Variants in AGRN observed in about 807,000 individuals in gnomAD.
AGRN encodes the protein agrin proteoglycan.
In AGRN, 106 loss-of-function variants were observed where a neutral mutation model predicts 211.0. The observed-to-expected ratio is 0.50, with a 90% CI of 0.43 to 0.59. The LOEUF (loss-of-function observed/expected upper bound fraction) is 0.59, where lower values mean the gene tolerates loss of function less well. Ranked by LOEUF, AGRN falls within the 20% of genes least tolerant of loss-of-function variation. The probability of loss-of-function intolerance (pLI) is 0.00; values close to 1 mark genes in which losing one functional copy is unlikely to be tolerated. For synonymous variants in AGRN, 1,525 were observed against 1,332.5 expected (o/e 1.14, Z -3.15); for missense variants, 3,040 against 2,982.6 (o/e 1.02, Z -0.45).
At chr1:1,042,189 C>A (rs747950971) in intron 7 of AGRN, 27 bp downstream of exon 7, 2 of 1,578,816 alleles carry the variant, frequency 1.3e-6, no homozygotes, top group East Asian at 2.3e-5. Flanking sequence ...GGAGGCCAGG[C>A]GGGGTGGGCT....
Position 1,041,996 on chromosome 1 carries a change from G to C in AGRN, c.1218G>C (p.Leu406=). The part of the protein sequence containing the change: ...PEPCRFNAVC[L]SRRGRPRCSC... The stretch of plus-strand genomic sequence containing the variant: ...CCTGCCGGTTCAATGCCGTGTGCCT[G>C]TCCCGCCGTGGCCGTCCCCGCTGCT... Residue 406 remains leucine (L), a synonymous_variant, in exon 7 of 36, where the codon CTG becomes CTC. Transcript: ENST00000379370. The C allele has an allele frequency of 6.2e-7, 1 of 1,611,380 alleles. No individual in the cohort carries two copies.
chr1:1,022,455 T>C lies in AGRN; in HGVS notation c.456T>C (p.Cys152=). Reference sequence around the variant, plus strand: ...GGAACCTGGAGGAGGTGGAGTTCTGTGTGGAAGGTGCGTGGTGGGGGGCTC... The same window carrying C: ...GGAACCTGGAGGAGGTGGAGTTCTGCGTGGAAGGTGCGTGGTGGGGGGCTC... ...TLRNLEEVEF[C]VEDKPGTHFT... is the part of the protein sequence containing the mutation. Residue 152 remains cysteine, a synonymous_variant, in exon 2 of 36, where the codon TGT becomes TGC. Transcript: ENST00000379370. 6.2e-7 allele frequency: 1 copy of C among 1,608,612 alleles called. No homozygotes were observed. The highest frequency in any genetic ancestry group is 1.1e-5 in the South Asian group (1 of 90,958).
Position 1,047,694 on chromosome 1 carries a change from C to T in AGRN, c.3631+7C>T, listed in dbSNP as rs1376329777. The T allele has an allele frequency of 6.2e-7, 1 of 1,612,920 alleles. No individual in the cohort carries two copies. The highest frequency in any genetic ancestry group is 8.5e-7 in the Non-Finnish European group (1 of 1,180,014). ...GATGTGCACTTTGACCCCAGTGAGA[C>T]CTGCACCCTGGACCCTTCCTGGGAG... is the stretch of plus-strand genomic sequence containing the variant. On this transcript the variant is annotated splice_region_variant and intron_variant, in intron 21 of 35. Transcript: ENST00000379370.
intron 1 of AGRN, among the ~76,000 whole-genome samples, chr1:1,021,529 C>T (rs1410214955): frequency 2.0e-5 from 3 of 152,248 alleles, no homozygotes; most frequent in Non-Finnish European, 4.4e-5. Context: ...CTGCTTCTCC[C>T]GGCTTTGTTC....
rs777369292 is a variant in AGRN at position 1,035,299 on chromosome 1, T to C, written c.486T>C (p.Thr162=). 3 of 1,612,980 alleles carry C rather than the reference T, an allele frequency of 1.9e-6. No homozygotes were observed. The Admixed American group carries it at 5.0e-5, about 27-fold the overall frequency. Residue 162 remains threonine, a synonymous_variant, in exon 3 of 36, where the codon ACT becomes ACC. Transcript: ENST00000379370. ...CVEDKPGTHF[T]PVPPTPPDAC... is the part of the protein sequence containing the mutation. ...CAGATAAACCCGGGACCCACTTCAC[T>C]CCAGTGCCTCCGACGCCTCCTGATG...
chr1:1,042,276 G>A, intron 7 of AGRN, 114 bp downstream of exon 7: 2 of 1,314,780 alleles, frequency 1.5e-6, no homozygotes, highest in Non-Finnish European at 2.1e-6. Context: ...CTGGGAGTGG[G>A]CCGGTCCCTC....
In AGRN at chr1:1,043,850, T is replaced by C. The variant is rs1246417325; in HGVS notation, c.1826T>C (p.Phe609Ser). Residue 609 changes from phenylalanine (F) to serine (S), a missense_variant, in exon 10 of 36, where the codon TTT (phenylalanine) becomes TCT (serine). Around this residue, in one of 3 missense-constraint regions of AGRN, gnomAD observed 1,498 missense variants for 1,457.8 expected, o/e 1.03. Transcript: ENST00000379370. Reference protein sequence around the residue: ...CETCGDAVCAFGAVCSAGQCV... With the variant: ...CETCGDAVCASGAVCSAGQCV... ...ACCTGTGGAGATGCCGTGTGTGCTT[T>C]TGGGGCTGTGTGCTCCGCAGGGCAG... is the stretch of plus-strand genomic sequence containing the variant. 10 of 1,611,374 alleles carry C rather than the reference T, an allele frequency of 6.2e-6. No individual in the cohort carries two copies. The highest frequency in any genetic ancestry group is 1.7e-5 in the Admixed American group (1 of 60,000).
Position 1,049,931 on chromosome 1 carries a change from C to T in AGRN, c.4773C>T (p.Pro1591=), listed in dbSNP as rs1043129674. 1.3e-5 allele frequency: 21 copies of T among 1,611,904 alleles called. No individual in the cohort carries two copies. Among genetic ancestry groups the T allele is most frequent in the Non-Finnish European group, 1.8e-5 (21 of 1,179,686 alleles). The change falls in exon 27 of 36, where the codon CCC becomes CCT. Residue 1591 remains proline, a synonymous_variant. Coordinates refer to ENST00000379370, the MANE Select transcript of AGRN (RefSeq NM_198576.4). ...CAACCTGTGCCGATGAGAAGAGCCCCTGCCAGCCCAACCCCTGCCATGGGG... is the reference window on the plus strand; with the variant it reads ...CAACCTGTGCCGATGAGAAGAGCCCTTGCCAGCCCAACCCCTGCCATGGGG... ...VGPTCADEKS[P]CQPNPCHGAA... is the part of the protein sequence containing the mutation.
chr1:1,039,676 C>CGT (rs936928171), intron 3 of AGRN, among the ~76,000 whole-genome samples: 1 of 152,010 alleles, frequency 6.6e-6, no homozygotes, highest in African/African-American at 2.4e-5. Flanking sequence ...GGTGATGGGA[C>CGT]GTGTGTCAGG....
intron 2 of AGRN, among the ~76,000 whole-genome samples, chr1:1,025,151 G>A (rs1570140285): frequency 2.6e-5 from 4 of 152,268 alleles, no homozygotes; most frequent in Non-Finnish European, 4.4e-5. Flanking sequence ...GCAGAGAAAG[G>A]GAGTGTTGTC....
In AGRN at chr1:1,048,438, C is replaced by A. The variant is rs1645166283; in HGVS notation, c.4105+73C>A. The stretch of plus-strand genomic sequence containing the variant: ...GCAAGGATTGGGGGTGGGGCTAAGC[C>A]ACCATCAGGCTTTGAGTTGGGGGCA... On this transcript the variant is annotated intron_variant, in intron 23 of 35. Coordinates refer to ENST00000379370, the MANE Select transcript of AGRN (RefSeq NM_198576.4). The surrounding 1 kb of genome is among the most constrained non-coding windows in gnomAD (Gnocchi z 5.9). 8.2e-7 allele frequency: 1 copy of A among 1,214,974 alleles called. No individual in the cohort carries two copies. 75.3% of individuals were successfully genotyped at this position (1,214,974 alleles called of 1,614,324 possible). A position where few individuals can be genotyped will look rare whatever the true frequency, so the allele number is the denominator to read the frequency against.
At chr1:1,040,039 G>A (rs1266397577) in intron 3 of AGRN, among the ~76,000 whole-genome samples, 1 of 152,214 alleles carries the variant, frequency 6.6e-6, no homozygotes, top group African/African-American at 2.4e-5. Context: ...CGGTCAGGGA[G>A]GCGCCAGAGG....
intron 1 of AGRN, 73 bp downstream of exon 1, chr1:1,020,446 G>T: frequency 7.1e-7 from 1 of 1,416,658 alleles, no homozygotes; most frequent in Non-Finnish European, 9.4e-7. Context: ...CCAGGCCGTG[G>T]GAACCAGCCC....
chr1:1,047,391 G>T lies in AGRN; in HGVS notation c.3453G>T (p.Thr1151=). ...TCGAGGGCCAGGAGCTGTTCTACAC[G>T]CCCGAGATGGCTGACCCCAAGTCAG... ...EGVEGQELFY[T]PEMADPKSEL... is the part of the protein sequence containing the mutation. The change falls in exon 20 of 36, where the codon ACG becomes ACT. Residue 1151 remains threonine (T), a synonymous_variant. Coordinates refer to ENST00000379370, the MANE Select transcript of AGRN (RefSeq NM_198576.4). The T allele has an allele frequency of 6.2e-7, 1 of 1,612,392 alleles. No individual in the cohort carries two copies. The highest frequency in any genetic ancestry group is 1.7e-5 in the Admixed American group (1 of 59,956).
intron 2 of AGRN, among the ~76,000 whole-genome samples, chr1:1,027,234 ATG>A (rs946733453): frequency 6.6e-6 from 1 of 152,106 alleles, no homozygotes; most frequent in Admixed American, 6.5e-5. Context: ...GCGTGTGTGC[ATG>A]TGTTTGTGTG....
chr1:1,044,482 C>A lies in AGRN; in HGVS notation c.2254+43C>A, dbSNP rs371573606. On this transcript the variant is annotated intron_variant, in intron 12 of 35. Transcript: ENST00000379370. ...GGGGTCTCAGGCACAGGCGGGGCGG[C>A]GTCTGGGTTTCCGTGTCTGGATGTG... 1.7e-4 allele frequency: 267 copies of A among 1,559,722 alleles called. 1 individual carries two copies. The highest frequency in any genetic ancestry group is 2.0e-4 in the Non-Finnish European group (228 of 1,150,326).
chr1:1,043,960 C>T lies in AGRN; in HGVS notation c.1936C>T (p.Arg646Trp), dbSNP rs373141392. ...GVTYGSACEL[R>W]EAACLQQTQI... ...CACCTACGGCAGTGCCTGCGAGCTA[C>T]GGGAAGCCGCCTGCCTCCAGCAGAC... The change falls in exon 10 of 36, where the codon CGG (arginine) becomes TGG (tryptophan). Residue 646 changes from arginine to tryptophan, a missense_variant. Around this residue, in one of 3 missense-constraint regions of AGRN, gnomAD observed 1,498 missense variants for 1,457.8 expected, o/e 1.03. Coordinates refer to ENST00000379370, the MANE Select transcript of AGRN (RefSeq NM_198576.4). 1.6e-5 allele frequency: 26 copies of T among 1,605,390 alleles called. No individual in the cohort carries two copies. Among genetic ancestry groups the T allele is most frequent in the Admixed American group, 3.4e-5 (2 of 59,568 alleles).
rs191484496 is a variant in AGRN at position 1,048,846 on chromosome 1, C to T, written c.4106-21C>T. ...AATCCTCGGAGCTTTTCCAGCCGGC[C>T]CTCCCGGTCGCCCTTTGCAGTGCTT... On this transcript the variant is annotated intron_variant, in intron 23 of 35. Transcript: ENST00000379370. The surrounding 1 kb of genome is among the most constrained non-coding windows in gnomAD (Gnocchi z 5.9). 3.1e-4 allele frequency: 473 copies of T among 1,524,078 alleles called. 2 individuals are homozygous for T. In the African/African-American group the frequency reaches 5.6e-3, roughly 18 times the overall value. The allele number at this position is 1,524,078 out of a possible 1,614,324, so 94.4% of individuals were successfully genotyped here. A position where few individuals can be genotyped will look rare whatever the true frequency, so the allele number is the denominator to read the frequency against.
At position 1,045,891 on chromosome 1, in the gene AGRN, G is replaced by C; in HGVS notation, c.2680+15G>C. ...CTGTGAAGCTGGTGAGTGAGGGCCA[G>C]CGCTACCCTGGGGCTTCATGGGGTG... On this transcript the variant is annotated intron_variant, in intron 15 of 35. Transcript: ENST00000379370. 1.9e-6 allele frequency: 3 copies of C among 1,610,382 alleles called. No homozygotes were observed. Among genetic ancestry groups the C allele is most frequent in the Non-Finnish European group, 2.5e-6 (3 of 1,179,920 alleles).
Sources: allele counts gnomAD v4.1 joint callset (sites outside exome capture counted in the v4.1 genomes callset), GRCh38; gene constraint gnomAD v4.1.1; regional missense constraint gnomAD v4.1.1; non-coding constraint Gnocchi (gnomAD v3.1); transcripts MANE v1.5; gene names NCBI Gene and HGNC (gene_info 2026-07-23, HGNC 2026-07-21).